Variants in OPHN1 observed in about 807,000 individuals in gnomAD.
OPHN1 encodes oligophrenin 1.
Under a neutral mutation model 60.7 loss-of-function variants are expected in OPHN1, and 11 were observed. That is an observed-to-expected ratio of 0.18 (90% CI 0.11 to 0.30). OPHN1 has a LOEUF of 0.30. Among genes scored for constraint, OPHN1 ranks in the 10% least tolerant of loss-of-function variants. The pLI is 1.00. For synonymous variants in OPHN1, 226 were observed against 222.6 expected (o/e 1.02, Z -0.14); for missense variants, 449 against 611.0 (o/e 0.73, Z 2.80).
chrX:68,293,459 C>T (rs190369259), intron 3 of OPHN1, among the ~76,000 whole-genome samples: 11 of 112,161 alleles, frequency 9.8e-5, no homozygotes, highest in Admixed American at 3.8e-4. Context: ...AATCAATCTT[C>T]TTGGTCCACA....
intron 17 of OPHN1, 102 bp from the exon 18 acceptor site, chrX:68,112,061 GCACACACACA>G: frequency 7.6e-6 from 3 of 393,792 alleles, no homozygotes; most frequent in Non-Finnish European, 9.1e-6. Context: ...ATGCACACAT[GCACACACACA>G]CACACACACA....
At chrX:68,052,289 C>A (rs867259203) in intron 23 of OPHN1, among the ~76,000 whole-genome samples, 820 of 60,071 alleles carry the variant, frequency 0.014, no homozygotes, top group South Asian at 0.017. Flanking sequence ...GACACCATCT[C>A]AAAAAAAAAA....
intron 6 of OPHN1, among the ~76,000 whole-genome samples, chrX:68,219,444 C>T (rs1050158916): frequency 2.7e-4 from 29 of 107,466 alleles, no homozygotes; most frequent in Non-Finnish European, 5.0e-4. Flanking sequence ...TAGACATCTA[C>T]AGAACTCTCC....
At chrX:68,263,732 A>C (rs1348995658) in intron 5 of OPHN1, among the ~76,000 whole-genome samples, 1 of 111,834 alleles carries the variant, frequency 8.9e-6, no homozygotes, top group Non-Finnish European at 1.9e-5. Context: ...TATCAAATGT[A>C]ATTTCTTTGT....
At chrX:68,350,938 T>C (rs1417187222) in intron 2 of OPHN1, among the ~76,000 whole-genome samples, 2 of 111,340 alleles carry the variant, frequency 1.8e-5, no homozygotes, top group African/African-American at 6.5e-5. Flanking sequence ...TTTTTTGTTT[T>C]GTTTTGTTTG....
intron 20 of OPHN1, chrX:68,070,396 C>T: frequency 2.0e-6 from 1 of 506,178 alleles, no homozygotes; most frequent in Middle Eastern, 5.8e-4. Flanking sequence ...GGGTTCCTGG[C>T]ACTGCATCTC....
intron 15 of OPHN1, among the ~76,000 whole-genome samples, chrX:68,148,881 A>G (rs1013043397): frequency 9.0e-6 from 1 of 111,710 alleles, no homozygotes. Flanking sequence ...GAAAATATGA[A>G]TACAAGACAG....
chrX:68,248,100 G>A (rs2077815914), intron 5 of OPHN1, among the ~76,000 whole-genome samples: 1 of 110,926 alleles, frequency 9.0e-6, no homozygotes, highest in Admixed American at 9.7e-5. Flanking sequence ...GGACACTGAG[G>A]AGATAGATAA....
chrX:68,053,931 G>T, intron 21 of OPHN1, 121 bp from the exon 22 acceptor site: 1 of 668,298 alleles, frequency 1.5e-6, no homozygotes, highest in Non-Finnish European at 2.2e-6. Context: ...TCTTCTTGGT[G>T]ACTAACAACT....
intron 5 of OPHN1, among the ~76,000 whole-genome samples, chrX:68,268,245 C>G (rs1474904938): frequency 9.0e-6 from 1 of 111,516 alleles, no homozygotes; most frequent in African/African-American, 3.3e-5. Context: ...TTTTATGAGG[C>G]CAGCATCATT....
intron 15 of OPHN1, among the ~76,000 whole-genome samples, chrX:68,120,225 C>T (rs951619950): frequency 9.0e-6 from 1 of 111,408 alleles, no homozygotes; most frequent in African/African-American, 3.3e-5. Flanking sequence ...GGAAATATGA[C>T]TAAAAGAACT....
At chrX:68,217,301 G>A (rs1374764101) in intron 6 of OPHN1, among the ~76,000 whole-genome samples, 8 of 112,004 alleles carry the variant, frequency 7.1e-5, no homozygotes, top group Admixed American at 2.8e-4. Context: ...CTCGCTGATT[G>A]CTAGCACAGC....
chrX:68,431,132 C>T (rs919722569), intron 2 of OPHN1, among the ~76,000 whole-genome samples: 5 of 111,655 alleles, frequency 4.5e-5, no homozygotes, highest in Admixed American at 2.9e-4. Flanking sequence ...TTTTCCTTTC[C>T]GTGAACTCTC....
chrX:68,305,208 C>T (rs1043653316), intron 2 of OPHN1, among the ~76,000 whole-genome samples: 3 of 110,536 alleles, frequency 2.7e-5, no homozygotes, highest in African/African-American at 9.9e-5. Flanking sequence ...GTGAGAACCC[C>T]ATCTCTAGAA....
chrX:68,226,178 G>A (rs1451600150), intron 6 of OPHN1, among the ~76,000 whole-genome samples: 1 of 111,461 alleles, frequency 9.0e-6, no homozygotes, highest in African/African-American at 3.3e-5. Context: ...GAAGTTTAGA[G>A]AAAAAAGAAT....
intron 18 of OPHN1, among the ~76,000 whole-genome samples, chrX:68,108,538 C>T (rs2077091034): frequency 1.8e-5 from 2 of 111,038 alleles, no homozygotes; most frequent in Non-Finnish European, 3.8e-5. Flanking sequence ...ATAAACTTAG[C>T]TTGTGATAAC....
chrX:68,193,476 A>C (rs1365722237), intron 14 of OPHN1, among the ~76,000 whole-genome samples: 1 of 111,783 alleles, frequency 8.9e-6, no homozygotes, highest in East Asian at 2.8e-4. Context: ...ACTTGCCCAC[A>C]GTCTAAATAT....
intron 15 of OPHN1, among the ~76,000 whole-genome samples, chrX:68,119,555 T>A (rs1347348806): frequency 9.0e-6 from 1 of 111,474 alleles, no homozygotes; most frequent in Non-Finnish European, 1.9e-5. Flanking sequence ...AAGAAAAAAC[T>A]GAACAAACAA....
At position 68,247,689 on chromosome X, in the gene OPHN1, C is replaced by T. The variant is rs139801442; in HGVS notation, c.385-13101G>A. On this transcript the variant is annotated intron_variant, in intron 5 of 24. Transcript: ENST00000355520. ...ATATCAGCACTTTGGGAGGCCAAGGCGGGAGGATTGCTTGAGCCCAGGAGT... is the reference window on the plus strand; with the variant it reads ...ATATCAGCACTTTGGGAGGCCAAGGTGGGAGGATTGCTTGAGCCCAGGAGT... Among the ~76,000 whole-genome samples, 469 of 104,632 alleles carry T rather than the reference C, an allele frequency of 4.5e-3. 5 individuals carry two copies. Among genetic ancestry groups the T allele is most frequent in the African/African-American group, 0.016 (445 of 28,533 alleles). The allele number at this position is 104,632 out of a possible 115,157, so 90.9% of individuals were successfully genotyped here.
Sources: allele counts gnomAD v4.1 joint callset (sites outside exome capture counted in the v4.1 genomes callset), GRCh38; gene constraint gnomAD v4.1.1; transcripts MANE v1.5; gene names NCBI Gene and HGNC (gene_info 2026-07-23, HGNC 2026-07-21).